The following FAM227B variants were observed in gnomAD, a reference collection of about 807,000 sequenced individuals.
FAM227B encodes the protein protein FAM227B.
FAM227B carries 88 observed loss-of-function variants against 73.8 expected under a neutral mutation model. That is an observed-to-expected ratio of 1.19 (90% CI 1.00 to 1.42). The LOEUF is 1.42. Among genes scored for constraint, FAM227B ranks in the 40% most tolerant of loss-of-function variants. The pLI, the probability that FAM227B is intolerant of heterozygous loss-of-function variation, is 0.00. For missense variants in FAM227B, 632 were observed against 590.9 expected (o/e 1.07, Z -0.72); for synonymous variants, 210 against 190.5 (o/e 1.10, Z -0.84).
rs139527790 is a variant in FAM227B at position 49,514,312 on chromosome 15, T to C, written c.875-5964A>G. Among the ~76,000 whole-genome samples, 1,306 of 152,142 alleles carry C rather than the reference T, an allele frequency of 8.6e-3. 32 individuals carry two copies. Among genetic ancestry groups the C allele is most frequent in the South Asian group, 0.066 (320 of 4,818 alleles). On this transcript the variant is annotated intron_variant, in intron 10 of 15. Coordinates refer to ENST00000299338, the MANE Select transcript of FAM227B (RefSeq NM_152647.3). ...CAGCTCTCCTTGAAGAGGTCTTTCATGTCCCTTGTTAGCTGTATTCCTAGG... is the reference window on the plus strand; with the variant it reads ...CAGCTCTCCTTGAAGAGGTCTTTCACGTCCCTTGTTAGCTGTATTCCTAGG...
At chr15:49,369,370 T>C (rs1226907388) in intron 12 of FAM227B, among the ~76,000 whole-genome samples, 1 of 152,060 alleles carries the variant, frequency 6.6e-6, no homozygotes, top group Non-Finnish European at 1.5e-5. Context: ...ATTCATCCCA[T>C]GAAAGATAAT....
At chr15:49,358,758 A>C (rs1333958500) in intron 13 of FAM227B, among the ~76,000 whole-genome samples, 2 of 152,134 alleles carry the variant, frequency 1.3e-5, no homozygotes, top group South Asian at 4.1e-4. Flanking sequence ...ATATGGAACC[A>C]AAAAAGAGCC....
chr15:49,438,200 G>C (rs2151822886), intron 11 of FAM227B, among the ~76,000 whole-genome samples: 2 of 151,728 alleles, frequency 1.3e-5, no homozygotes, highest in African/African-American at 4.8e-5. Flanking sequence ...TTACCCATAG[G>C]CTATAAGGAG....
At chr15:49,620,278 G>A (rs1161281944) in intron 1 of FAM227B, 1 of 152,020 alleles carries the variant, frequency 6.6e-6, no homozygotes, top group Non-Finnish European at 1.5e-5. Context: ...ACTTGATATC[G>A]TGAGCACTTC....
chr15:49,562,574 C>A (rs80290235), intron 9 of FAM227B, among the ~76,000 whole-genome samples: 3,067 of 152,012 alleles, frequency 0.02, 46 homozygotes, highest in South Asian at 0.074. Flanking sequence ...GCCAAGATCC[C>A]TGATGAACAC....
At chr15:49,577,380 C>G (rs1567618386) in intron 6 of FAM227B, 1 of 418,018 alleles carries the variant, frequency 2.4e-6, no homozygotes, top group Non-Finnish European at 4.4e-6. Flanking sequence ...TATGTCATAT[C>G]TAAAATAAAA....
At chr15:49,354,482 G>T (rs1486083355) in intron 13 of FAM227B, among the ~76,000 whole-genome samples, 4 of 152,224 alleles carry the variant, frequency 2.6e-5, no homozygotes, top group Non-Finnish European at 5.9e-5. Context: ...AGAAAGGGGT[G>T]ACGGACGGCA....
chr15:49,452,962 G>A (rs2052906431), intron 11 of FAM227B, among the ~76,000 whole-genome samples: 2 of 151,940 alleles, frequency 1.3e-5, no homozygotes, highest in Non-Finnish European at 2.9e-5. Flanking sequence ...ACTTTAAAAG[G>A]TTTTCCTTCC....
intron 11 of FAM227B, among the ~76,000 whole-genome samples, chr15:49,457,844 G>A (rs190228157): frequency 1.5e-4 from 23 of 151,854 alleles, no homozygotes; most frequent in South Asian, 6.3e-4. Context: ...TTTGGAAAGC[G>A]TTCATAATGA....
Position 49,328,530 on chromosome 15 carries a change from A to G in FAM227B, c.*38T>C. Reference sequence around the variant, plus strand: ...AATTAAACTGATACCACTGAATTGTATGCATTATTCTTGAATAGAGTTCAT... The same window carrying G: ...AATTAAACTGATACCACTGAATTGTGTGCATTATTCTTGAATAGAGTTCAT... On this transcript the variant is annotated 3_prime_UTR_variant, in exon 16 of 16. Transcript: ENST00000299338. 6.2e-7 allele frequency: 1 copy of G among 1,605,510 alleles called. No homozygotes were observed. Among genetic ancestry groups the G allele is most frequent in the Non-Finnish European group, 8.5e-7 (1 of 1,174,600 alleles).
rs532240549 is a variant in FAM227B at position 49,329,893 on chromosome 15, G to A, written c.1420-1218C>T. 1.2e-5 allele frequency: 5 copies of A among 434,096 alleles called. No individual in the cohort carries two copies. The Admixed American group carries it at 2.6e-4, about 22-fold the overall frequency. The allele number at this position is 434,096 out of a possible 1,614,324, so 26.9% of individuals were successfully genotyped here. A position where few individuals can be genotyped will look rare whatever the true frequency, so the allele number is the denominator to read the frequency against. ...GTGATTTCTTCTTCACAAAAGGTGA[G>A]TAAAAATTTCCAATGTGCACTCTTC... On this transcript the variant is annotated intron_variant, in intron 15 of 15. Coordinates refer to ENST00000299338, the MANE Select transcript of FAM227B (RefSeq NM_152647.3).
At chr15:49,566,046 C>T (rs745917543) in intron 9 of FAM227B, among the ~76,000 whole-genome samples, 6 of 152,152 alleles carry the variant, frequency 3.9e-5, no homozygotes, top group Non-Finnish European at 8.8e-5. Flanking sequence ...CTGGCCGCCA[C>T]AGCTAAGAAA....
chr15:49,510,823 G>A (rs1243048637), intron 10 of FAM227B, among the ~76,000 whole-genome samples: 2 of 151,994 alleles, frequency 1.3e-5, no homozygotes, highest in Non-Finnish European at 2.9e-5. Flanking sequence ...TGACAAATTG[G>A]TTGGGTCTAG....
intron 13 of FAM227B, among the ~76,000 whole-genome samples, chr15:49,351,041 C>G (rs1483020364): frequency 6.6e-6 from 1 of 152,196 alleles, no homozygotes; most frequent in Non-Finnish European, 1.5e-5. Context: ...CCTACTCAAC[C>G]ATACGCTGTG....
intron 3 of FAM227B, among the ~76,000 whole-genome samples, chr15:49,591,029 G>GTTTTTTTTTTTTTTTTTTTTTTTTTT (rs71424023): frequency 1.0e-4 from 11 of 105,588 alleles, no homozygotes; most frequent in South Asian, 3.2e-4. Flanking sequence ...TCTTTTTTTT[G>GTTTTTTTTTTTTTTTTTTTTTTTTTT]TTTTTTTTTT....
chr15:49,551,046 G>A (rs879322456), intron 9 of FAM227B, among the ~76,000 whole-genome samples: 1 of 152,244 alleles, frequency 6.6e-6, no homozygotes, highest in Non-Finnish European at 1.5e-5. Flanking sequence ...CCGGGAGGCC[G>A]AGGCTGGCGG....
intron 1 of FAM227B, among the ~76,000 whole-genome samples, 194 bp from the exon 2 acceptor site, chr15:49,615,437 T>TG (rs2078228026): frequency 1.3e-5 from 2 of 152,188 alleles, no homozygotes; most frequent in Admixed American, 1.3e-4. Context: ...GATTGGATCA[T>TG]GGGGGTGGTT....
At chr15:49,452,179 C>T (rs11638378) in intron 11 of FAM227B, among the ~76,000 whole-genome samples, 38,822 of 151,806 alleles carry the variant, frequency 0.26, 5,320 homozygotes, top group East Asian at 0.44. Flanking sequence ...GTATCTGGCA[C>T]TACAGGTGCA....
intron 10 of FAM227B, among the ~76,000 whole-genome samples, chr15:49,529,282 A>G (rs968580525): frequency 5.3e-5 from 8 of 151,606 alleles, no homozygotes; most frequent in African/African-American, 1.4e-4. Flanking sequence ...GTACACATGG[A>G]TATAAAGATT....
Sources: gnomAD v4.1 joint callset for allele counts (sites outside exome capture counted in the v4.1 genomes callset) on GRCh38, gnomAD v4.1.1 for gene constraint, MANE v1.5 for transcripts, NCBI Gene and HGNC (gene_info 2026-07-23, HGNC 2026-07-21) for gene names.